The following RAI14 variants were observed in gnomAD, a reference collection of about 807,000 sequenced individuals.
RAI14 encodes the protein retinoic acid induced 14.
A neutral mutation model predicts 115.4 loss-of-function variants in RAI14; 45 were observed. The observed-to-expected ratio is 0.39, with a 90% CI of 0.31 to 0.50. RAI14 has a LOEUF of 0.50. Ranked by LOEUF, RAI14 falls within the 20% of genes least tolerant of loss-of-function variation. The pLI is 0.85. For missense variants in RAI14, 939 were observed against 1,131.2 expected (o/e 0.83, Z 2.44); for synonymous variants, 371 against 415.4 (o/e 0.89, Z 1.30).
intron 1 of RAI14, among the ~76,000 whole-genome samples, chr5:34,673,201 T>A (rs1042642139): frequency 2.0e-5 from 3 of 152,154 alleles, no homozygotes; most frequent in Non-Finnish European, 4.4e-5. Context: ...ACTTTCAGAA[T>A]GGAAATAGCC....
At chr5:34,740,176 C>T (rs149070708) in intron 2 of RAI14, among the ~76,000 whole-genome samples, 108 of 152,244 alleles carry the variant, frequency 7.1e-4, no homozygotes, top group African/African-American at 2.5e-3. Flanking sequence ...TATAGGATGC[C>T]CTGGAAATAA....
At chr5:34,756,286 G>A (rs1747865335) in intron 2 of RAI14, among the ~76,000 whole-genome samples, 1 of 152,144 alleles carries the variant, frequency 6.6e-6, no homozygotes, top group South Asian at 2.1e-4. Context: ...CTTCTTTTTA[G>A]TTTTTAAATC....
intron 1 of RAI14, among the ~76,000 whole-genome samples, chr5:34,677,763 A>G (rs1744094479): frequency 6.6e-6 from 1 of 152,104 alleles, no homozygotes; most frequent in African/African-American, 2.4e-5. Flanking sequence ...TTATTCTTAG[A>G]TTTTTAAAAA....
chr5:34,693,947 G>A (rs1356827789), intron 2 of RAI14, among the ~76,000 whole-genome samples: 1 of 152,200 alleles, frequency 6.6e-6, no homozygotes, highest in East Asian at 1.9e-4. Context: ...TTTCATTTCT[G>A]AAGGGAGGAA....
chr5:34,688,094 CAA>C, intron 2 of RAI14: 1 of 1,464,300 alleles, frequency 6.8e-7, no homozygotes, highest in Non-Finnish European at 9.0e-7. Flanking sequence ...TCATAGAGTG[CAA>C]AGAGACTTCG....
chr5:34,681,889 C>T (rs1317384964), intron 1 of RAI14, among the ~76,000 whole-genome samples: 2 of 123,832 alleles, frequency 1.6e-5, no homozygotes, highest in Admixed American at 9.3e-5. Flanking sequence ...GAGTTTCGCT[C>T]TTGTTGCCCA....
chr5:34,687,724 T>G (rs1292341924), intron 2 of RAI14: 1 of 1,551,356 alleles, frequency 6.4e-7, no homozygotes, highest in African/African-American at 1.4e-5. Flanking sequence ...GAAGCCAAGG[T>G]ATGTCACTCT....
At chr5:34,741,402 CTG>C (rs1745494402) in intron 2 of RAI14, among the ~76,000 whole-genome samples, 2 of 152,226 alleles carry the variant, frequency 1.3e-5, no homozygotes, top group Admixed American at 1.3e-4. Context: ...GTTCCCCTCT[CTG>C]TAAGCAGATA....
At chr5:34,795,854 G>A in intron 3 of RAI14, 85 bp from the exon 4 acceptor site, 1 of 1,064,336 alleles carries the variant, frequency 9.4e-7, no homozygotes, top group East Asian at 2.4e-5. Context: ...TACATGAAAT[G>A]GCGGGGGGCG....
chr5:34,725,251 G>C (rs1743297721), intron 2 of RAI14, among the ~76,000 whole-genome samples: 1 of 152,098 alleles, frequency 6.6e-6, no homozygotes, highest in Admixed American at 6.6e-5. Flanking sequence ...AGAAATATAT[G>C]ACCATTATGA....
chr5:34,720,401 A>AT (rs35380327), intron 2 of RAI14, among the ~76,000 whole-genome samples: 1,571 of 80,270 alleles, frequency 0.02, 143 homozygotes, highest in Admixed American at 0.026. Context: ...CCTGTCTCAG[A>AT]TTTTTTTTTT....
intron 2 of RAI14, among the ~76,000 whole-genome samples, chr5:34,746,964 T>C (rs1746326063): frequency 6.6e-6 from 1 of 152,192 alleles, no homozygotes; most frequent in East Asian, 1.9e-4. Context: ...TGCTTTTGCT[T>C]CTTCCTCATT....
chr5:34,661,231 G>A (rs1198636910), intron 1 of RAI14, among the ~76,000 whole-genome samples: 1 of 151,680 alleles, frequency 6.6e-6, no homozygotes, highest in Non-Finnish European at 1.5e-5. Context: ...TTTGGACTTT[G>A]GAGCATTTCA....
intron 2 of RAI14, among the ~76,000 whole-genome samples, chr5:34,756,532 G>A (rs372404309): frequency 1.4e-3 from 216 of 152,214 alleles, no homozygotes; most frequent in African/African-American, 4.9e-3. Flanking sequence ...GGCTTGCAAA[G>A]TGCCCAGAGC....
At chr5:34,680,538 T>A (rs1744314389) in intron 1 of RAI14, among the ~76,000 whole-genome samples, 1 of 152,220 alleles carries the variant, frequency 6.6e-6, no homozygotes, top group Admixed American at 6.5e-5. Flanking sequence ...ACATTGGCAA[T>A]TAAGTTTCCA....
intron 2 of RAI14, among the ~76,000 whole-genome samples, chr5:34,738,083 TGAG>T (rs754780698): frequency 9.2e-5 from 14 of 152,064 alleles, no homozygotes; most frequent in Non-Finnish European, 1.9e-4. Context: ...GCTATGGAAT[TGAG>T]GAATGAGATG....
intron 5 of RAI14, among the ~76,000 whole-genome samples, chr5:34,805,378 GC>G (rs1294159787): frequency 6.6e-6 from 1 of 152,050 alleles, no homozygotes; most frequent in Non-Finnish European, 1.5e-5. Context: ...ACCTCCTGCT[GC>G]CCCCCACTCC....
intron 2 of RAI14, among the ~76,000 whole-genome samples, chr5:34,689,191 C>G (rs1738251163): frequency 6.6e-6 from 1 of 151,644 alleles, no homozygotes; most frequent in Non-Finnish European, 1.5e-5. Flanking sequence ...TTCCTTGAGT[C>G]CAGGAGTTCA....
Position 34,827,329 on chromosome 5 carries a change from C to G in RAI14, c.2799+850C>G, listed in dbSNP as rs559029727. 1.3e-5 allele frequency among the ~76,000 whole-genome samples: 2 copies of G among 152,244 alleles called. No individual in the cohort carries two copies. The highest frequency in any genetic ancestry group is 3.9e-4 in the East Asian group (2 of 5,178). ...AACCCTTAATTTCATCTGCAAGATGCCTTTTGCCATATAAAGTTTAACATT... is the reference window on the plus strand; with the variant it reads ...AACCCTTAATTTCATCTGCAAGATGGCTTTTGCCATATAAAGTTTAACATT... On this transcript the variant is annotated intron_variant, in intron 16 of 17. Coordinates refer to ENST00000265109, the MANE Select transcript of RAI14 (RefSeq NM_015577.3). This position sits in a 1 kb window ranked among gnomAD's most constrained non-coding sequence, Gnocchi z 4.2.
Sources: gnomAD v4.1 joint callset for allele counts (sites outside exome capture counted in the v4.1 genomes callset) on GRCh38, gnomAD v4.1.1 for gene constraint, Gnocchi (gnomAD v3.1) non-coding constraint, MANE v1.5 for transcripts, NCBI Gene and HGNC (gene_info 2026-07-23, HGNC 2026-07-21) for gene names.